EFNA5: variants seen among roughly 807,000 people sequenced by gnomAD.
EFNA5 encodes ephrin-A5.
Under a neutral mutation model 22.9 loss-of-function variants are expected in EFNA5, and 5 were observed. The ratio of observed to expected loss-of-function variants is 0.22; its 90% CI spans 0.11 to 0.46. The LOEUF (loss-of-function observed/expected upper bound fraction) is 0.46. Among genes scored for constraint, EFNA5 ranks in the 20% least tolerant of loss-of-function variants. The pLI, the probability that EFNA5 is intolerant of heterozygous loss-of-function variation, is 0.99. For missense variants in EFNA5, 237 were observed against 293.3 expected (o/e 0.81, Z 1.40); for synonymous variants, 113 against 112.2 (o/e 1.01, Z -0.04).
intron 1 of EFNA5, among the ~76,000 whole-genome samples, chr5:107,533,299 C>T (rs1052128810): frequency 3.3e-5 from 5 of 152,086 alleles, no homozygotes; most frequent in African/African-American, 9.7e-5. Flanking sequence ...ATCTACATTC[C>T]AAGCACAACT....
In EFNA5 at chr5:107,595,799, C is replaced by A. The variant is rs551604619; in HGVS notation, c.125+74690G>T. On this transcript the variant is annotated intron_variant, in intron 1 of 4. Transcript: ENST00000333274. ...ATGCAAGTTAATTAAGTCTTTCAGT[C>A]CTCAATTTACTGATCTCTAAAATGG... Among the ~76,000 whole-genome samples, 23 of 152,216 alleles carry A rather than the reference C, an allele frequency of 1.5e-4. No individual in the cohort carries two copies. The South Asian group carries it at 3.3e-3, about 22-fold the overall frequency.
chr5:107,485,494 T>C (rs1176741760), intron 1 of EFNA5, among the ~76,000 whole-genome samples: 3 of 152,212 alleles, frequency 2.0e-5, no homozygotes, highest in South Asian at 2.1e-4. Flanking sequence ...TCTCTTTTTT[T>C]CTCTGGGAAG....
At chr5:107,564,609 TTTTG>T (rs1748623195) in intron 1 of EFNA5, among the ~76,000 whole-genome samples, 1 of 150,028 alleles carries the variant, frequency 6.7e-6, no homozygotes, top group South Asian at 2.1e-4. Flanking sequence ...GAATACTTTA[TTTTG>T]TTTTTGTTTG....
At chr5:107,472,528 A>G (rs1010823825) in intron 1 of EFNA5, among the ~76,000 whole-genome samples, 5 of 152,168 alleles carry the variant, frequency 3.3e-5, no homozygotes, top group African/African-American at 1.2e-4. Context: ...AGCAACCATC[A>G]CTCCACAGCT....
chr5:107,492,998 A>G (rs935034957), intron 1 of EFNA5, among the ~76,000 whole-genome samples: 2 of 151,922 alleles, frequency 1.3e-5, no homozygotes, highest in African/African-American at 2.4e-5. Context: ...ATCTCAAAAA[A>G]AAAAAAAAAT....
intron 1 of EFNA5, among the ~76,000 whole-genome samples, chr5:107,545,988 CA>C (rs1748137885): frequency 6.6e-6 from 1 of 151,946 alleles, no homozygotes. Context: ...AATTGAAATC[CA>C]ACATCAAATA....
intron 1 of EFNA5, among the ~76,000 whole-genome samples, chr5:107,585,968 A>G (rs890158000): frequency 1.3e-5 from 2 of 152,196 alleles, no homozygotes; most frequent in Admixed American, 1.3e-4. Context: ...TGAAATGAAG[A>G]CTACTATGAA....
chr5:107,436,771 G>T (rs1749121436), intron 1 of EFNA5, among the ~76,000 whole-genome samples: 1 of 152,192 alleles, frequency 6.6e-6, no homozygotes, highest in African/African-American at 2.4e-5. Context: ...TAAACAAACT[G>T]ACTCTGATCA....
intron 1 of EFNA5, among the ~76,000 whole-genome samples, chr5:107,556,198 T>A (rs1333841079): frequency 6.6e-6 from 1 of 152,224 alleles, no homozygotes; most frequent in Non-Finnish European, 1.5e-5. Flanking sequence ...CAGTTTCCTA[T>A]CCACCTTAGT....
chr5:107,571,664 T>C (rs1580536568), intron 1 of EFNA5, among the ~76,000 whole-genome samples: 1 of 151,972 alleles, frequency 6.6e-6, no homozygotes, highest in East Asian at 1.9e-4. Context: ...GAATGAGCAA[T>C]TGCCAGCCGT....
intron 1 of EFNA5, among the ~76,000 whole-genome samples, chr5:107,540,860 G>A (rs1408318346): frequency 4.6e-5 from 7 of 152,326 alleles, no homozygotes; most frequent in African/African-American, 1.7e-4. Flanking sequence ...GCCCATGCCT[G>A]TAATCCAGCA....
At chr5:107,597,854 G>A (rs970500660) in intron 1 of EFNA5, among the ~76,000 whole-genome samples, 4 of 152,096 alleles carry the variant, frequency 2.6e-5, no homozygotes, top group South Asian at 2.1e-4. Context: ...CTGATAATGC[G>A]CTGATAGAAG....
intron 2 of EFNA5, among the ~76,000 whole-genome samples, chr5:107,392,626 T>C (rs1246268276): frequency 6.6e-6 from 1 of 152,198 alleles, no homozygotes; most frequent in Non-Finnish European, 1.5e-5. Context: ...TGTGAAATAA[T>C]AAACGTTGTT....
At position 107,649,619 on chromosome 5, in the gene EFNA5, A is replaced by T. The variant is rs539587975; in HGVS notation, c.125+20870T>A. 7.2e-4 allele frequency among the ~76,000 whole-genome samples: 110 copies of T among 152,330 alleles called. 1 individual carries two copies. Among genetic ancestry groups the T allele is most frequent in the Admixed American group, 1.8e-3 (28 of 15,284 alleles). On this transcript the variant is annotated intron_variant, in intron 1 of 4. Transcript: ENST00000333274. ...TACATAAGTGAAAATTGAGGGTTGG[A>T]GAAAAGAGGCAGCATTTGATCCCAG...
intron 1 of EFNA5, among the ~76,000 whole-genome samples, chr5:107,611,931 T>A (rs1749825406): frequency 6.6e-6 from 1 of 152,242 alleles, no homozygotes; most frequent in Non-Finnish European, 1.5e-5. Context: ...CTGCTCGTTT[T>A]CATTTATGGA....
chr5:107,456,163 G>C (rs1365910367), intron 1 of EFNA5, among the ~76,000 whole-genome samples: 1 of 152,132 alleles, frequency 6.6e-6, no homozygotes, highest in Non-Finnish European at 1.5e-5. Flanking sequence ...CTGGGGTGAT[G>C]GGGTGGTGGC....
Position 107,381,181 on chromosome 5 carries a change from A to G in EFNA5, c.*74T>C. 1 of 1,526,554 alleles carries G rather than the reference A, an allele frequency of 6.6e-7. No individual in the cohort carries two copies. Among genetic ancestry groups the G allele is most frequent in the East Asian group, 2.3e-5 (1 of 43,270 alleles). 94.6% of individuals were successfully genotyped at this position (1,526,554 alleles called of 1,614,324 possible). ...ACCCAATAACAAGTCCCTTCTTAGG[A>G]TGAGCAGTTAGGTGGATCTCTGGTG... is the stretch of plus-strand genomic sequence containing the variant. On this transcript the variant is annotated 3_prime_UTR_variant, in exon 5 of 5. Transcript: ENST00000333274.
intron 1 of EFNA5, among the ~76,000 whole-genome samples, chr5:107,490,253 T>C (rs1746765188): frequency 6.6e-6 from 1 of 152,182 alleles, no homozygotes; most frequent in South Asian, 2.1e-4. Context: ...CTATGTCATT[T>C]ATTTGTTTAT....
rs185480013 is a variant in EFNA5 at position 107,481,279 on chromosome 5, A to G, written c.126-53770T>C. ...AATACAGGAGTGAGTTGGGGAAACA[A>G]TCTGGCTGGATGAGAACTGAACTTA... On this transcript the variant is annotated intron_variant, in intron 1 of 4. Transcript: ENST00000333274. 6.4e-3 allele frequency among the ~76,000 whole-genome samples: 968 copies of G among 152,306 alleles called. 49 individuals are homozygous for G. Among genetic ancestry groups the G allele is most frequent in the Non-Finnish European group, 7.4e-4 (50 of 68,022 alleles).
Sources: allele counts gnomAD v4.1 joint callset (sites outside exome capture counted in the v4.1 genomes callset), GRCh38; gene constraint gnomAD v4.1.1; transcripts MANE v1.5; gene names NCBI Gene and HGNC (gene_info 2026-07-23, HGNC 2026-07-21).